COL21A1: variants seen among roughly 807,000 people sequenced by gnomAD.
The protein encoded by COL21A1 is collagen alpha-1(XXI) chain.
Under a neutral mutation model 137.9 loss-of-function variants are expected in COL21A1, and 149 were observed. The ratio of observed to expected loss-of-function variants is 1.08; its 90% CI spans 0.95 to 1.24. The LOEUF is 1.24. COL21A1 is among the 50% of genes most tolerant of loss of function. COL21A1 has a pLI of 0.00. For missense variants in COL21A1, 1,167 were observed against 1,158.4 expected (o/e 1.01, Z -0.11); for synonymous variants, 456 against 391.5 (o/e 1.16, Z -1.95).
At position 56,328,397 on chromosome 6, in the gene COL21A1, G is replaced by GT. The variant is rs1347644389; in HGVS notation, c.-39+65573dup. 2.0e-5 allele frequency among the ~76,000 whole-genome samples: 3 copies of GT among 152,066 alleles called. No individual in the cohort carries two copies. The East Asian group carries it at 5.8e-4, about 29-fold the overall frequency. On this transcript the variant is annotated intron_variant, in intron 1 of 28. Coordinates refer to the COL21A1 transcript ENST00000370819. ...ATTGTCTCTTCAATTGCCATTGGTT[G>GT]TAAGACATACTTCCCCATCACACTA...
intron 1 of COL21A1, among the ~76,000 whole-genome samples, chr6:56,329,109 C>CT (rs1765164949): frequency 6.6e-6 from 1 of 152,118 alleles, no homozygotes; most frequent in Non-Finnish European, 1.5e-5. Context: ...AAAGCAGTAT[C>CT]TATTTACAAA....
intron 1 of COL21A1, among the ~76,000 whole-genome samples, chr6:56,314,341 C>T (rs1764681942): frequency 6.6e-6 from 1 of 152,174 alleles, no homozygotes; most frequent in South Asian, 2.1e-4. Context: ...TATATCTTCT[C>T]CTTCCTTCAA....
intron 10 of COL21A1, among the ~76,000 whole-genome samples, chr6:56,143,208 T>G (rs1327791445): frequency 6.8e-6 from 1 of 148,068 alleles, no homozygotes; most frequent in Non-Finnish European, 1.5e-5. Flanking sequence ...TCTTTTTTTT[T>G]TTTTTTTTTT....
At chr6:56,261,609 C>T (rs909560413) in intron 1 of COL21A1, among the ~76,000 whole-genome samples, 2 of 152,188 alleles carry the variant, frequency 1.3e-5, no homozygotes, top group African/African-American at 4.8e-5. Context: ...GATTTCCCAG[C>T]CTCTGGAACT....
At chr6:56,311,288 T>C (rs903386119) in intron 1 of COL21A1, among the ~76,000 whole-genome samples, 3 of 152,204 alleles carry the variant, frequency 2.0e-5, no homozygotes, top group African/African-American at 7.2e-5. Context: ...AGAGCATTTG[T>C]TTGAAAACAT....
intron 1 of COL21A1, among the ~76,000 whole-genome samples, chr6:56,262,030 C>T (rs571524714): frequency 6.6e-6 from 1 of 152,162 alleles, no homozygotes; most frequent in African/African-American, 2.4e-5. Context: ...ACTGTCTCTG[C>T]AAAACTCATA....
At chr6:56,084,946 T>C (rs1194977855) in intron 17 of COL21A1, among the ~76,000 whole-genome samples, 1 of 152,052 alleles carries the variant, frequency 6.6e-6, no homozygotes, top group Non-Finnish European at 1.5e-5. Context: ...TTCTTGCAGA[T>C]AATTTTCACA....
intron 1 of COL21A1, among the ~76,000 whole-genome samples, chr6:56,264,397 C>T (rs1319349518): frequency 6.6e-6 from 1 of 152,144 alleles, no homozygotes; most frequent in East Asian, 1.9e-4. Flanking sequence ...CCTGGCTTTC[C>T]TTCTACTTCT....
At chr6:56,148,401 C>T (rs753307216) in intron 10 of COL21A1, among the ~76,000 whole-genome samples, 2 of 116,526 alleles carry the variant, frequency 1.7e-5, no homozygotes, top group South Asian at 5.5e-4. Flanking sequence ...AATCTATTTG[C>T]CAAGGAGTTC....
At chr6:56,315,647 C>CG (rs1764713994) in intron 1 of COL21A1, among the ~76,000 whole-genome samples, 1 of 93,602 alleles carries the variant, frequency 1.1e-5, no homozygotes, top group Admixed American at 9.0e-5. Context: ...CCTCCCTCTC[C>CG]TTCCCTCTTC....
chr6:56,260,892 G>A lies in COL21A1; in HGVS notation c.-38-78236C>T, dbSNP rs1000786700. Among the ~76,000 whole-genome samples the A allele has an allele frequency of 3.2e-5, 4 of 125,132 alleles. No individual in the cohort carries two copies. In the East Asian group the frequency reaches 6.3e-4, roughly 20 times the overall value. The allele number at this position is 125,132 out of a possible 152,430, so 82.1% of individuals were successfully genotyped here. On this transcript the variant is annotated intron_variant, in intron 1 of 28. Transcript: ENST00000370819. Reference sequence around the variant, plus strand: ...TGTGTGTGTGTATGTGTGTGTGTGTGTACCTTTTATAGCTATACCTATACA... The same window carrying A: ...TGTGTGTGTGTATGTGTGTGTGTGTATACCTTTTATAGCTATACCTATACA...
At position 56,207,643 on chromosome 6, in the gene COL21A1, CCAA is replaced by C. The variant is rs566899981; in HGVS notation, c.-38-24990_-38-24988del. ...TGATACCATTCCTTCTGAAACTATT[CCAA>C]CAATAGAAAAAGAGGGAATCCTCCC... is the stretch of plus-strand genomic sequence containing the variant. On this transcript the variant is annotated intron_variant, in intron 1 of 29. Transcript: ENST00000244728. 7.2e-4 allele frequency among the ~76,000 whole-genome samples: 109 copies of C among 152,192 alleles called. No homozygotes were observed. In the East Asian group the frequency reaches 0.011, roughly 16 times the overall value.
At chr6:56,277,138 G>GT (rs1315875123) in intron 1 of COL21A1, among the ~76,000 whole-genome samples, 1 of 151,910 alleles carries the variant, frequency 6.6e-6, no homozygotes, top group African/African-American at 2.4e-5. Flanking sequence ...AGTAAGTTTT[G>GT]TTTTTTTGTT....
chr6:56,283,659 A>T (rs1231345324), intron 1 of COL21A1, among the ~76,000 whole-genome samples: 2 of 152,228 alleles, frequency 1.3e-5, no homozygotes, highest in African/African-American at 4.8e-5. Context: ...ACAAACAAGA[A>T]AATGAGACCA....
intron 1 of COL21A1, among the ~76,000 whole-genome samples, chr6:56,367,768 G>A (rs1766134461): frequency 6.6e-6 from 1 of 152,208 alleles, no homozygotes; most frequent in African/African-American, 2.4e-5. Flanking sequence ...AGGCTGGAGT[G>A]CAGTGGAGGA....
At chr6:56,307,022 A>T (rs1764478064) in intron 1 of COL21A1, among the ~76,000 whole-genome samples, 1 of 152,252 alleles carries the variant, frequency 6.6e-6, no homozygotes, top group Non-Finnish European at 1.5e-5. Context: ...TCAGCAGCAG[A>T]GGCTGCAGAA....
At chr6:56,095,855 T>G (rs1436347436) in intron 17 of COL21A1, among the ~76,000 whole-genome samples, 1 of 152,116 alleles carries the variant, frequency 6.6e-6, no homozygotes, top group Non-Finnish European at 1.5e-5. Context: ...TTTTTGTTTT[T>G]GTTTCTTTTG....
At chr6:56,242,795 T>C (rs1391133211) in intron 1 of COL21A1, among the ~76,000 whole-genome samples, 1 of 152,214 alleles carries the variant, frequency 6.6e-6, no homozygotes, top group African/African-American at 2.4e-5. Context: ...TGTAAACATA[T>C]TGCTTTCAGT....
chr6:56,393,292 T>TA (rs1273628419), intron 1 of COL21A1, among the ~76,000 whole-genome samples: 3 of 152,190 alleles, frequency 2.0e-5, no homozygotes, highest in Non-Finnish European at 4.4e-5. Context: ...ACTGGATATC[T>TA]ATGTGCAGAA....
Sources: gnomAD v4.1 joint callset for allele counts (sites outside exome capture counted in the v4.1 genomes callset) on GRCh38, gnomAD v4.1.1 for gene constraint, MANE v1.5 for transcripts, NCBI Gene and HGNC (gene_info 2026-07-23, HGNC 2026-07-21) for gene names.